Variants in SH3D21 observed in about 807,000 individuals in gnomAD.
SH3D21 encodes the protein SH3 domain-containing protein 21.
SH3D21 carries 83 observed loss-of-function variants against 82.1 expected under a neutral mutation model. That is an observed-to-expected ratio of 1.01 (90% CI 0.85 to 1.21). The LOEUF is 1.21. Among genes scored for constraint, SH3D21 ranks in the 50% most tolerant of loss-of-function variants. The probability of loss-of-function intolerance (pLI) is 0.00; values close to 1 mark genes in which losing one functional copy is unlikely to be tolerated. For missense variants in SH3D21, 980 were observed against 962.1 expected (o/e 1.02, Z -0.25); for synonymous variants, 383 against 387.8 (o/e 0.99, Z 0.15).
chr1:36,322,982 G>A, downstream of SH3D21: 1 of 1,606,198 alleles, frequency 6.2e-7, no homozygotes, highest in Non-Finnish European at 8.5e-7. Flanking sequence ...GCGGATGTGC[G>A]CGTAGGCAGC....
chr1:36,320,528 T>G lies in SH3D21; in HGVS notation c.1865T>G (p.Val622Gly). Residue 622 changes from valine to glycine, a missense_variant, in exon 14 of 16, where the codon GTG becomes GGG. Val to Gly is a moderately radical substitution (Grantham distance 109). Transcript: ENST00000453908. The stretch of plus-strand genomic sequence containing the variant: ...GAGGAGGTGCTCCCCAAAGAGGGAG[T>G]GGCTTCCAAAGAGGAGGTGACCCTG... Reference protein sequence around the residue: ...LREEVLPKEGVASKEEVTLKE... With the variant: ...LREEVLPKEGGASKEEVTLKE... The G allele has an allele frequency of 6.2e-7, 1 of 1,613,350 alleles. No individual in the cohort carries two copies. Among genetic ancestry groups the G allele is most frequent in the Non-Finnish European group, 8.5e-7 (1 of 1,179,876 alleles).
chr1:36,320,457 G>C lies in SH3D21; in HGVS notation c.1794G>C (p.Arg598Ser). ...AGGAGGCACCTTCCAATGACGAGAG[G>C]ACCCCTGAAGAGGAGGCGCCCCCCA... ...LPEEAPSNDE[R>S]TPEEEAPPNE... is the part of the protein sequence containing the mutation. Residue 598 changes from arginine to serine, a missense_variant, in exon 14 of 16, where the codon AGG (arginine) becomes AGC (serine). Physicochemically the swap from Arg to Ser is moderately radical, Grantham distance 110. Transcript: ENST00000453908. The C allele has an allele frequency of 6.2e-7, 1 of 1,613,240 alleles. No individual in the cohort carries two copies. The highest frequency in any genetic ancestry group is 8.5e-7 in the Non-Finnish European group (1 of 1,179,744).
downstream of SH3D21, chr1:36,323,323 C>G: frequency 7.5e-6 from 3 of 400,088 alleles, no homozygotes; most frequent in Non-Finnish European, 1.3e-5. Flanking sequence ...AGGCCCGGTT[C>G]CGCCGTCCCG....
downstream of SH3D21, chr1:36,327,942 G>T (rs538890283): frequency 8.8e-7 from 1 of 1,137,932 alleles, no homozygotes; most frequent in African/African-American, 1.6e-5. Flanking sequence ...CCAGCCACCC[G>T]CTTCGGATCT....
chr1:36,320,242 C>T lies in SH3D21; in HGVS notation c.1579C>T (p.Gln527Ter). The change falls in exon 14 of 16, where the codon CAG becomes TAG. Residue 527 changes from glutamine (Q) to a stop codon, truncating the protein, a stop_gained. Coordinates refer to ENST00000453908, the MANE Select transcript of SH3D21 (RefSeq NM_001162530.2). LOFTEE classifies it high-confidence loss of function. Reference sequence around the variant, plus strand: ...TGTAGCCAAAGAGGATCCATCATCCCAGGAGGAGGCCCACACGCCAGAGGC... The same window carrying T: ...TGTAGCCAAAGAGGATCCATCATCCTAGGAGGAGGCCCACACGCCAGAGGC... The part of the protein sequence containing the change: ...YFVAKEDPSS[Q>*]EEAHTPEAPP... The T allele has an allele frequency of 1.2e-6, 2 of 1,613,114 alleles. No homozygotes were observed. The highest frequency in any genetic ancestry group is 1.7e-6 in the Non-Finnish European group (2 of 1,179,984).
At chr1:36,322,555 C>T (rs576702559), downstream of SH3D21, 4 of 1,591,144 alleles carry the variant, frequency 2.5e-6, no homozygotes, top group South Asian at 3.3e-5. Context: ...TCCTCGTCCT[C>T]GTCGTCGTCC....
Position 36,321,289 on chromosome 1 carries a change from G to A in SH3D21, c.*162G>A. 2 of 1,443,614 alleles carry A rather than the reference G, an allele frequency of 1.4e-6. No homozygotes were observed. The highest frequency in any genetic ancestry group is 9.1e-7 in the Non-Finnish European group (1 of 1,104,094). The allele number at this position is 1,443,614 out of a possible 1,614,324, so 89.4% of individuals were successfully genotyped here. A position where few individuals can be genotyped will look rare whatever the true frequency, so the allele number is the denominator to read the frequency against. On this transcript the variant is annotated 3_prime_UTR_variant, in exon 16 of 16. Transcript: ENST00000453908. This position sits in a 1 kb window ranked among gnomAD's most constrained non-coding sequence, Gnocchi z 6.1. ...GCGCGGGGGCAGGGCCTGGGCCTCC[G>A]CATTCCTGACGGTCCCTCCCAGGCA...
intron 12 of SH3D21, 23 bp downstream of exon 12, chr1:36,319,335 G>A (rs1323819820): frequency 1.3e-6 from 2 of 1,550,980 alleles, no homozygotes; most frequent in Non-Finnish European, 8.7e-7. Context: ...TTCCTCCAGT[G>A]CGGGGAGGAC....
downstream of SH3D21, chr1:36,321,919 G>C: frequency 1.8e-6 from 2 of 1,090,408 alleles, no homozygotes; most frequent in Non-Finnish European, 2.2e-6. This position sits in a 1 kb window ranked among gnomAD's most constrained non-coding sequence, Gnocchi z 6.1. Context: ...TTGGTGGGTG[G>C]GGGTGGTGCA....
chr1:36,307,136 C>A lies in SH3D21; in HGVS notation c.227-31C>A, dbSNP rs997580237. On this transcript the variant is annotated intron_variant, in intron 3 of 15. Transcript: ENST00000453908. The surrounding 1 kb of genome is among the most constrained non-coding windows in gnomAD (Gnocchi z 5.4). ...CAGCTCCTCTGACTGGGGCGTCCGA[C>A]TGGAGCTCAGCCGCGCTTGTCCGGT... 9 of 1,550,724 alleles carry A rather than the reference C, an allele frequency of 5.8e-6. No homozygotes were observed. In the African/African-American group the frequency reaches 1.2e-4, roughly 21 times the overall value.
chr1:36,322,687 C>G (rs1026452051), downstream of SH3D21: 4 of 1,547,290 alleles, frequency 2.6e-6, no homozygotes, highest in Non-Finnish European at 3.5e-6. Flanking sequence ...CCGAAGCAGA[C>G]GCCCAGCACG....
In SH3D21 at chr1:36,319,308, C is replaced by G; in HGVS notation, c.912C>G (p.Asp304Glu). 1 of 1,551,666 alleles carries G rather than the reference C, an allele frequency of 6.4e-7. No homozygotes were observed. The highest frequency in any genetic ancestry group is 1.2e-5 in the South Asian group (1 of 84,066). Residue 304 changes from aspartate to glutamate, a missense_variant, in exon 12 of 16, where the codon GAC (aspartate) becomes GAG (glutamate). Coordinates refer to ENST00000453908, the MANE Select transcript of SH3D21 (RefSeq NM_001162530.2). ...ACAGTCAGAAGCTCACCTCCCGAGA[C>G]TCAGGCAAGGGCTGCCTTCCTCCAG... ...SRDSQKLTSRDSGPNGGFQSG... is the reference protein window; with the variant it reads ...SRDSQKLTSRESGPNGGFQSG...
At chr1:36,321,633 G>A, downstream of SH3D21, 1 of 1,012,700 alleles carries the variant, frequency 9.9e-7, no homozygotes, top group Non-Finnish European at 1.2e-6. This position sits in a 1 kb window ranked among gnomAD's most constrained non-coding sequence, Gnocchi z 6.1. Context: ...GAAGTCCACC[G>A]TCCAGCCCAA....
rs377044233 is a variant in SH3D21 at position 36,308,094 on chromosome 1, C to A, written c.539-15C>A. ...AGGCTTGGCTTCAGAGGACAGTGGA[C>A]TGACCTCTTCCCAGTCTCCCACCCT... On this transcript the variant is annotated splice_polypyrimidine_tract_variant and intron_variant, in intron 7 of 15. Coordinates refer to ENST00000453908, the MANE Select transcript of SH3D21 (RefSeq NM_001162530.2). 395 of 1,545,006 alleles carry A rather than the reference C, an allele frequency of 2.6e-4. 2 individuals are homozygous for A. In the African/African-American group the frequency reaches 4.3e-3, roughly 17 times the overall value.
At chr1:36,325,963 C>A (rs375101521), downstream of SH3D21, among the ~76,000 whole-genome samples, 1 of 152,194 alleles carries the variant, frequency 6.6e-6, no homozygotes, top group South Asian at 2.1e-4. Flanking sequence ...CTTCTAAGTG[C>A]TGGGGGGCAT....
At chr1:36,317,006 C>G (rs1646356989) in intron 10 of SH3D21, among the ~76,000 whole-genome samples, 1 of 152,138 alleles carries the variant, frequency 6.6e-6, no homozygotes, top group African/African-American at 2.4e-5. Flanking sequence ...TCCTTTACCT[C>G]TTTTAAGTCC....
intron 10 of SH3D21, among the ~76,000 whole-genome samples, chr1:36,313,534 G>T (rs1292303619): frequency 1.3e-5 from 2 of 151,996 alleles, no homozygotes; most frequent in Non-Finnish European, 2.9e-5. Context: ...ACTATTTTAT[G>T]TAAGTTTTCT....
intron 10 of SH3D21, among the ~76,000 whole-genome samples, chr1:36,311,607 ATACAATTATACC>A (rs1178319762): frequency 6.6e-6 from 1 of 152,142 alleles, no homozygotes; most frequent in Non-Finnish European, 1.5e-5. Flanking sequence ...TTAATGAGTG[ATACAATTATACC>A]TTTTTCCCTA....
chr1:36,308,230 G>T lies in SH3D21; in HGVS notation c.639+21G>T, dbSNP rs189058935. On this transcript the variant is annotated intron_variant, in intron 8 of 15. Transcript: ENST00000453908. Reference sequence around the variant, plus strand: ...GCAAGGTGTGAGACGAACAGGGTGGGGGGGCCCAGGGAAGCCGGTGTTGAG... The same window carrying T: ...GCAAGGTGTGAGACGAACAGGGTGGTGGGGCCCAGGGAAGCCGGTGTTGAG... The T allele has an allele frequency of 4.0e-4, 602 of 1,515,256 alleles. 6 individuals are homozygous for T. The East Asian group carries it at 0.013, about 32-fold the overall frequency. The allele number at this position is 1,515,256 out of a possible 1,614,324, so 93.9% of individuals were successfully genotyped here.
Sources: gnomAD v4.1 joint callset for allele counts (sites outside exome capture counted in the v4.1 genomes callset) on GRCh38, gnomAD v4.1.1 for gene constraint, Gnocchi (gnomAD v3.1) non-coding constraint, MANE v1.5 for transcripts, NCBI Gene and HGNC (gene_info 2026-07-23, HGNC 2026-07-21) for gene names.